Variants in YARS1 observed in about 807,000 individuals in gnomAD.
The protein encoded by YARS1 is tyrosine--tRNA ligase, cytoplasmic.
Under a neutral mutation model 62.2 loss-of-function variants are expected in YARS1, and 36 were observed. That is an observed-to-expected ratio of 0.58 (90% CI 0.44 to 0.76). The LOEUF (loss-of-function observed/expected upper bound fraction) is 0.76, where lower values mean the gene tolerates loss of function less well. Ranked by LOEUF, YARS1 falls within the 30% of genes least tolerant of loss-of-function variation. The pLI is 0.00. For missense variants in YARS1, 524 were observed against 639.8 expected, an observed-to-expected ratio of 0.82 and a Z score of 1.95; for synonymous variants, 234 against 244.9, an observed-to-expected ratio of 0.96 and a Z score of 0.42.
chr1:32,777,278 C>T (rs1652898860), intron 12 of YARS1, among the ~76,000 whole-genome samples: 1 of 151,956 alleles, frequency 6.6e-6, no homozygotes, highest in South Asian at 2.1e-4. Context: ...ATCTGCCTGC[C>T]TTGGCCTCCC....
intron 5 of YARS1, among the ~76,000 whole-genome samples, chr1:32,796,914 G>A (rs1653601031): frequency 1.6e-5 from 2 of 128,430 alleles, no homozygotes; most frequent in South Asian, 5.5e-4. Flanking sequence ...GCAGTGAGCC[G>A]AGAGTGAGCC....
At chr1:32,782,697 A>G (rs1299630832) in intron 8 of YARS1, 158 bp from the exon 9 acceptor site, 2 of 961,254 alleles carry the variant, frequency 2.1e-6, no homozygotes, top group Non-Finnish European at 3.1e-6. Flanking sequence ...ATACATTCAG[A>G]AAGACTAACG....
At position 32,780,356 on chromosome 1, in the gene YARS1, A is replaced by G. The variant is rs1476906320; in HGVS notation, c.1141-78T>C. The G allele has an allele frequency of 8.3e-6, 13 of 1,562,902 alleles. No homozygotes were observed. In the Admixed American group the frequency reaches 2.0e-4, roughly 24 times the overall value. On this transcript the variant is annotated intron_variant, in intron 10 of 12. Coordinates refer to ENST00000373477, the MANE Select transcript of YARS1 (RefSeq NM_003680.4). ...GCCTGGTGAACTCTTGGATTCCGGA[A>G]AGGAGCATCCACTCCTTACAGAGGC...
intron 1 of YARS1, 98 bp downstream of exon 1, chr1:32,817,090 C>G (rs998346167): frequency 5.3e-6 from 8 of 1,499,236 alleles, no homozygotes; most frequent in Non-Finnish European, 7.4e-6. Flanking sequence ...GCGCCGAGTC[C>G]CCGGCCCCAC....
In YARS1 at chr1:32,797,684, C is replaced by A. The variant is rs1044570458; in HGVS notation, c.591+79G>T. On this transcript the variant is annotated intron_variant, in intron 5 of 12. Transcript: ENST00000373477. ...TTACCATACACTATGACTAGTGGGA[C>A]TGACACATCATAGTTCAATAAACAC... The A allele has an allele frequency of 3.0e-5, 36 of 1,201,888 alleles. No homozygotes were observed. The African/African-American group carries it at 5.1e-4, about 17-fold the overall frequency. 74.5% of individuals were successfully genotyped at this position (1,201,888 alleles called of 1,614,324 possible).
At chr1:32,799,466 G>T (rs192198240) in intron 4 of YARS1, among the ~76,000 whole-genome samples, 6 of 152,290 alleles carry the variant, frequency 3.9e-5, no homozygotes, top group African/African-American at 1.4e-4. Flanking sequence ...AAGTCTAAGT[G>T]AGAAATATCG....
At position 32,782,405 on chromosome 1, in the gene YARS1, C is replaced by T; in HGVS notation, c.1041G>A (p.Gln347=). Residue 347 remains glutamine, a splice_region_variant and synonymous_variant, in exon 9 of 13, where the codon CAG becomes CAA. Coordinates refer to ENST00000373477, the MANE Select transcript of YARS1 (RefSeq NM_003680.4). ...ASAAYPDPSK[Q]KPMAKGPAKN... ...CGGCCCCTCTCCAGCTGGCCTTACT[C>T]TGCTTTGAGGGATCTGGGTAGGCAG... 6.2e-7 allele frequency: 1 copy of T among 1,613,976 alleles called. No homozygotes were observed. Among genetic ancestry groups the T allele is most frequent in the Non-Finnish European group, 8.5e-7 (1 of 1,179,900 alleles).
chr1:32,816,832 T>C (rs1638753772), intron 1 of YARS1: 1 of 429,622 alleles, frequency 2.3e-6, no homozygotes, highest in Non-Finnish European at 4.3e-6. Context: ...TAATGGGTCA[T>C]TTTTAACGTC....
At position 32,798,098 on chromosome 1, in the gene YARS1, C is replaced by T. The variant is rs1653663422; in HGVS notation, c.511-255G>A. 6.9e-6 allele frequency: 3 copies of T among 434,326 alleles called. No individual in the cohort carries two copies. In the Admixed American group the frequency reaches 1.0e-4, roughly 15 times the overall value. The allele number at this position is 434,326 out of a possible 1,614,324, so 26.9% of individuals were successfully genotyped here. A position where few individuals can be genotyped will look rare whatever the true frequency, so the allele number is the denominator to read the frequency against. On this transcript the variant is annotated intron_variant, in intron 4 of 12. Transcript: ENST00000373477. Reference sequence around the variant, plus strand: ...TGTTGCCCAGGCTGGCCTTAAAATCCTGAGCTCACCTTGGCCACCCACCTT... The same window carrying T: ...TGTTGCCCAGGCTGGCCTTAAAATCTTGAGCTCACCTTGGCCACCCACCTT...
chr1:32,806,086 G>A (rs1029799351), intron 4 of YARS1, among the ~76,000 whole-genome samples: 12 of 152,232 alleles, frequency 7.9e-5, no homozygotes, highest in African/African-American at 2.9e-4. Context: ...AGGAGGCCAG[G>A]AGAGTGAGGA....
chr1:32,811,885 T>G (rs1477634221), intron 1 of YARS1, among the ~76,000 whole-genome samples: 1 of 152,084 alleles, frequency 6.6e-6, no homozygotes, highest in Non-Finnish European at 1.5e-5. Flanking sequence ...AAACTAAACT[T>G]TAAGCCCCCC....
Position 32,775,805 on chromosome 1 carries a change from A to T in YARS1, c.*176T>A. ...TGGTCTCTCACTGCAGCCAGACAGG[A>T]TGATCCTGGGTTCTGGGGAGGGTAA... On this transcript the variant is annotated 3_prime_UTR_variant, in exon 13 of 13. Transcript: ENST00000373477. The T allele has an allele frequency of 1.5e-6, 1 of 646,628 alleles. No homozygotes were observed. Among genetic ancestry groups the T allele is most frequent in the South Asian group, 1.8e-5 (1 of 55,310 alleles). The allele number at this position is 646,628 out of a possible 1,614,324, so 40.1% of individuals were successfully genotyped here. A position where few individuals can be genotyped will look rare whatever the true frequency, so the allele number is the denominator to read the frequency against.
intron 4 of YARS1, among the ~76,000 whole-genome samples, chr1:32,803,583 G>A (rs573573705): frequency 2.1e-4 from 32 of 152,114 alleles, no homozygotes; most frequent in African/African-American, 7.5e-4. Flanking sequence ...CTCTAGCTAC[G>A]AAAGTCCGAG....
intron 1 of YARS1, among the ~76,000 whole-genome samples, chr1:32,814,493 G>A (rs1022316353): frequency 6.6e-6 from 1 of 152,116 alleles, no homozygotes; most frequent in Non-Finnish European, 1.5e-5. Flanking sequence ...GGGTTCAAAC[G>A]ATTCTCCTGC....
At chr1:32,804,279 C>T (rs896219607) in intron 4 of YARS1, among the ~76,000 whole-genome samples, 51 of 152,332 alleles carry the variant, frequency 3.3e-4, no homozygotes, top group Admixed American at 2.6e-4. Flanking sequence ...GGGTGGCCGC[C>T]GGGCAGAGGG....
chr1:32,801,742 G>A (rs983416790), intron 4 of YARS1, among the ~76,000 whole-genome samples: 1 of 152,156 alleles, frequency 6.6e-6, no homozygotes, highest in Non-Finnish European at 1.5e-5. Context: ...TATCAACGAA[G>A]TTTATGTAAT....
intron 4 of YARS1, among the ~76,000 whole-genome samples, chr1:32,801,219 T>C (rs1171786976): frequency 1.3e-5 from 2 of 151,988 alleles, no homozygotes; most frequent in African/African-American, 2.4e-5. Context: ...AATGCATATA[T>C]TTAACTGGTG....
rs577882270 is a variant in YARS1, at chr1:32,803,321, C to T, written c.510+3161G>A. Among the ~76,000 whole-genome samples, 167 of 148,692 alleles carry T rather than the reference C, an allele frequency of 1.1e-3. 1 individual carries two copies. The Admixed American group carries it at 0.011, about 10-fold the overall frequency. ...TTTTTTTTGTAGTTTTAGTAGAGAC[C>T]GGGTTTCACCATGTTGGTCAGGCTG... is the stretch of plus-strand genomic sequence containing the variant. On this transcript the variant is annotated intron_variant, in intron 4 of 12. Coordinates refer to ENST00000373477, the MANE Select transcript of YARS1 (RefSeq NM_003680.4).
At chr1:32,803,947 C>T (rs530965940) in intron 4 of YARS1, among the ~76,000 whole-genome samples, 1 of 142,560 alleles carries the variant, frequency 7.0e-6, no homozygotes, top group African/African-American at 2.5e-5. Context: ...TGACTCTTAA[C>T]GAGCATGCTG....
Sources: allele counts gnomAD v4.1 joint callset (sites outside exome capture counted in the v4.1 genomes callset), GRCh38; gene constraint gnomAD v4.1.1; transcripts MANE v1.5; gene names NCBI Gene and HGNC (gene_info 2026-07-23, HGNC 2026-07-21).